The following METTL16 variants were observed in gnomAD, a reference collection of about 807,000 sequenced individuals.
The protein encoded by METTL16 is RNA N(6)-adenosine-methyltransferase METTL16.
Under a neutral mutation model 57.9 loss-of-function variants are expected in METTL16, and 19 were observed. The ratio of observed to expected loss-of-function variants is 0.33; its 90% CI spans 0.23 to 0.48. METTL16 has a LOEUF of 0.48. Among genes scored for constraint, METTL16 ranks in the 20% least tolerant of loss-of-function variants. The pLI is 0.99. For missense variants in METTL16, 434 were observed against 691.5 expected (o/e 0.63, Z 4.18); for synonymous variants, 246 against 255.6 (o/e 0.96, Z 0.36).
At chr17:2,447,896 A>T (rs1252265881) in intron 6 of METTL16, among the ~76,000 whole-genome samples, 2 of 38,122 alleles carry the variant, frequency 5.2e-5, no homozygotes, top group Admixed American at 2.5e-4. Context: ...TCCGGGAGGG[A>T]GGTGGGGGGG....
intron 6 of METTL16, among the ~76,000 whole-genome samples, chr17:2,445,771 G>A (rs1196529150): frequency 2.0e-5 from 3 of 149,622 alleles, no homozygotes; most frequent in African/African-American, 7.4e-5. Context: ...GGGCAACAGA[G>A]TAAGACTCTA....
chr17:2,441,985 T>A (rs1158342075), intron 6 of METTL16, among the ~76,000 whole-genome samples: 1 of 152,208 alleles, frequency 6.6e-6, no homozygotes, highest in Admixed American at 6.5e-5. Flanking sequence ...CATCTGCACG[T>A]AATTTAAGGA....
At chr17:2,494,850 C>T (rs1215311477) in intron 2 of METTL16, among the ~76,000 whole-genome samples, 1 of 151,792 alleles carries the variant, frequency 6.6e-6, no homozygotes, top group African/African-American at 2.4e-5. Context: ...TACAAAAAAA[C>T]AGCCAGGCAT....
chr17:2,451,197 C>T (rs992872741), intron 6 of METTL16, among the ~76,000 whole-genome samples: 1 of 151,936 alleles, frequency 6.6e-6, no homozygotes, highest in Non-Finnish European at 1.5e-5. Context: ...ATCCTTTTTC[C>T]CTTTGAAAAT....
At chr17:2,456,913 A>G (rs11870487) in intron 6 of METTL16, among the ~76,000 whole-genome samples, 37,955 of 150,030 alleles carry the variant, frequency 0.25, 7,589 homozygotes, top group African/African-American at 0.56. Context: ...TCAGCCTGCC[A>G]TGTAGCTGGG....
intron 6 of METTL16, among the ~76,000 whole-genome samples, chr17:2,463,193 C>A (rs2067163036): frequency 6.6e-6 from 1 of 152,194 alleles, no homozygotes. Context: ...ACCTAAACTG[C>A]TGAAAGGACG....
Position 2,473,920 on chromosome 17 carries a change from G to C in METTL16, c.329-256C>G, listed in dbSNP as rs892467555. Among the ~76,000 whole-genome samples the C allele has an allele frequency of 2.0e-5, 3 of 152,026 alleles. No individual in the cohort carries two copies. The South Asian group carries it at 6.2e-4, about 32-fold the overall frequency. On this transcript the variant is annotated intron_variant, in intron 3 of 9. Coordinates refer to ENST00000263092, the MANE Select transcript of METTL16 (RefSeq NM_024086.4). The stretch of plus-strand genomic sequence containing the variant: ...TGCCTGGCTATTTTTTGTATTTTCT[G>C]TAATTTTTGTATTTTTTGGCAGAGA...
intron 8 of METTL16, among the ~76,000 whole-genome samples, chr17:2,433,090 A>C (rs1448420359): frequency 6.6e-6 from 1 of 152,212 alleles, no homozygotes; most frequent in Non-Finnish European, 1.5e-5. Context: ...TAACTGAAAG[A>C]GATCAATGCA....
chr17:2,459,326 C>G (rs1161813490), intron 6 of METTL16, among the ~76,000 whole-genome samples: 2 of 152,130 alleles, frequency 1.3e-5, no homozygotes, highest in Non-Finnish European at 2.9e-5. Flanking sequence ...GTCTGTAAAC[C>G]AAGAGGTTGG....
intron 2 of METTL16, among the ~76,000 whole-genome samples, chr17:2,484,466 A>G (rs1229540881): frequency 6.6e-6 from 1 of 151,366 alleles, no homozygotes; most frequent in Admixed American, 6.6e-5. Context: ...GCCACAAATG[A>G]CCATTTCAAA....
chr17:2,490,393 G>C (rs980403650), intron 2 of METTL16, among the ~76,000 whole-genome samples: 1 of 152,104 alleles, frequency 6.6e-6, no homozygotes, highest in South Asian at 2.1e-4. Context: ...AATGTCAAAT[G>C]GGGGAGAAGA....
intron 6 of METTL16, among the ~76,000 whole-genome samples, chr17:2,452,714 C>A (rs1041505080): frequency 6.6e-6 from 1 of 152,196 alleles, no homozygotes; most frequent in African/African-American, 2.4e-5. Flanking sequence ...CCCAGATTCA[C>A]CAATTACATC....
chr17:2,478,886 G>A (rs1023145906), intron 2 of METTL16, among the ~76,000 whole-genome samples: 1 of 152,124 alleles, frequency 6.6e-6, no homozygotes. Flanking sequence ...CTGAACATCT[G>A]GGTTGTTTCC....
intron 1 of METTL16, among the ~76,000 whole-genome samples, chr17:2,505,394 CATTTTTTTTTTTTTTTTTTTT>C (rs1378675986): frequency 4.0e-5 from 4 of 99,206 alleles, no homozygotes; most frequent in African/African-American, 1.8e-4. Flanking sequence ...AGCCCAGAGG[CATTTTTTTTTTTTTTTTTTTT>C]TTTTTTTTTT....
intron 8 of METTL16, among the ~76,000 whole-genome samples, chr17:2,428,564 AATATATATAT>A (rs71362532): frequency 0.015 from 462 of 31,218 alleles, 6 homozygotes; most frequent in Middle Eastern, 0.045. Context: ...AAAAAAAAAA[AATATATATAT>A]ATATATATAT....
chr17:2,499,331 CTTTTTTTTTT>C (rs1004416909), intron 2 of METTL16, among the ~76,000 whole-genome samples: 1 of 127,614 alleles, frequency 7.8e-6, no homozygotes, highest in East Asian at 2.3e-4. Flanking sequence ...AAAACTATAT[CTTTTTTTTTT>C]TTTTTTTTTT....
At position 2,497,286 on chromosome 17, in the gene METTL16, G is replaced by A. The variant is rs189428571; in HGVS notation, c.128+4918C>T. 1.6e-3 allele frequency among the ~76,000 whole-genome samples: 233 copies of A among 147,568 alleles called. 1 individual carries two copies. The highest frequency in any genetic ancestry group is 7.5e-3 in the Middle Eastern group (2 of 266). ...CTCCCAAAGTGCTGGGTTTACAGGC[G>A]TGCGCCACTGCACCCGGCCTTTTTT... On this transcript the variant is annotated intron_variant, in intron 2 of 9. Coordinates refer to ENST00000263092, the MANE Select transcript of METTL16 (RefSeq NM_024086.4).
chr17:2,457,499 G>T (rs961316215), intron 6 of METTL16, among the ~76,000 whole-genome samples: 8 of 152,040 alleles, frequency 5.3e-5, no homozygotes, highest in Admixed American at 5.2e-4. Context: ...CTGAGGTCAG[G>T]AGTTTTGAGA....
chr17:2,448,800 T>TA (rs1491334811), intron 6 of METTL16, among the ~76,000 whole-genome samples: 2 of 64,288 alleles, frequency 3.1e-5, no homozygotes, highest in Non-Finnish European at 5.9e-5. Context: ...AAAAATAAAA[T>TA]TTAAAAAAAA....
Sources: gnomAD v4.1 joint callset for allele counts (sites outside exome capture counted in the v4.1 genomes callset) on GRCh38, gnomAD v4.1.1 for gene constraint, MANE v1.5 for transcripts, NCBI Gene and HGNC (gene_info 2026-07-23, HGNC 2026-07-21) for gene names.